The following EBF4 variants were observed in gnomAD, a reference collection of about 807,000 sequenced individuals.
EBF4 encodes the protein transcription factor COE4.
In EBF4, 34 loss-of-function variants were observed where a neutral mutation model predicts 67.1. The ratio of observed to expected loss-of-function variants is 0.51; its 90% CI spans 0.39 to 0.67. The LOEUF is 0.67. Among genes scored for constraint, EBF4 ranks in the 30% least tolerant of loss-of-function variants. The pLI, the probability that EBF4 is intolerant of heterozygous loss-of-function variation, is 0.00. For synonymous variants in EBF4, 387 were observed against 377.7 expected (o/e 1.02, Z -0.29); for missense variants, 837 against 873.3 (o/e 0.96, Z 0.52).
At chr20:2,710,728 C>T (rs2087531425) in intron 6 of EBF4, among the ~76,000 whole-genome samples, 1 of 152,200 alleles carries the variant, frequency 6.6e-6, no homozygotes, top group Non-Finnish European at 1.5e-5. Flanking sequence ...CCCATCCATT[C>T]CCCACCAAAT....
chr20:2,727,583 G>A (rs2087762262), intron 6 of EBF4, among the ~76,000 whole-genome samples: 1 of 152,210 alleles, frequency 6.6e-6, no homozygotes, highest in Non-Finnish European at 1.5e-5. Context: ...AGGGTCAGCT[G>A]TATACCTAGA....
chr20:2,748,868 T>C (rs1460890044), intron 7 of EBF4, among the ~76,000 whole-genome samples: 1 of 152,208 alleles, frequency 6.6e-6, no homozygotes, highest in African/African-American at 2.4e-5. Flanking sequence ...AAGATGCTAA[T>C]TGTGACATTT....
At chr20:2,715,534 T>C (rs2087596911) in intron 6 of EBF4, among the ~76,000 whole-genome samples, 1 of 152,198 alleles carries the variant, frequency 6.6e-6, no homozygotes, top group African/African-American at 2.4e-5. Context: ...CTTAACAAGT[T>C]GATGTCAACT....
intron 6 of EBF4, among the ~76,000 whole-genome samples, chr20:2,741,783 T>A (rs2087972356): frequency 6.6e-6 from 1 of 152,220 alleles, no homozygotes; most frequent in South Asian, 2.1e-4. Flanking sequence ...CAGCTCTTCT[T>A]CTGGTCTTTC....
At chr20:2,746,964 A>G (rs1226920295) in intron 6 of EBF4, among the ~76,000 whole-genome samples, 1 of 152,210 alleles carries the variant, frequency 6.6e-6, no homozygotes, top group Non-Finnish European at 1.5e-5. Context: ...GCTATAAGGC[A>G]TAAGGCAGAC....
chr20:2,714,509 G>A (rs2087583820), intron 6 of EBF4, among the ~76,000 whole-genome samples: 1 of 152,088 alleles, frequency 6.6e-6, no homozygotes, highest in Non-Finnish European at 1.5e-5. Context: ...ACGCCAACAA[G>A]CCCAGCTAAC....
At chr20:2,694,691 C>T (rs2087263122) in intron 1 of EBF4, among the ~76,000 whole-genome samples, 1 of 152,142 alleles carries the variant, frequency 6.6e-6, no homozygotes, top group Non-Finnish European at 1.5e-5. Context: ...TGAGCTGTTG[C>T]AGCAGCCCGA....
intron 1 of EBF4, among the ~76,000 whole-genome samples, chr20:2,695,470 G>A (rs941098518): frequency 6.8e-6 from 1 of 146,774 alleles, no homozygotes; most frequent in African/African-American, 2.6e-5. Flanking sequence ...CACATTGTGA[G>A]GGCCACATTG....
chr20:2,703,410 C>T (rs558999993), intron 1 of EBF4, among the ~76,000 whole-genome samples: 123 of 151,752 alleles, frequency 8.1e-4, no homozygotes, highest in African/African-American at 2.9e-3. Context: ...CACTCCAGCC[C>T]GGATGACAGA....
Position 2,739,640 on chromosome 20 carries a change from C to G in EBF4, c.558-8909C>G, listed in dbSNP as rs960185495. On this transcript the variant is annotated intron_variant, in intron 6 of 16. Coordinates refer to ENST00000609451, the Ensembl canonical transcript of EBF4. The surrounding 1 kb of genome is among the most constrained non-coding windows in gnomAD (Gnocchi z 4.5). The stretch of plus-strand genomic sequence containing the variant: ...GAATGAGGGGATGAATGGCCCAGCC[C>G]TCTGTGTCCTCCTCTGTCCCTGAGC... 6.6e-6 allele frequency among the ~76,000 whole-genome samples: 1 copy of G among 152,178 alleles called. No homozygotes were observed. The highest frequency in any genetic ancestry group is 2.4e-5 in the African/African-American group (1 of 41,438).
intron 1 of EBF4, among the ~76,000 whole-genome samples, chr20:2,700,861 CTG>C (rs1206680210): frequency 6.6e-6 from 1 of 152,240 alleles, no homozygotes; most frequent in East Asian, 1.9e-4. Flanking sequence ...ACACCTGCCT[CTG>C]TTGCTCTCGA....
intron 1 of EBF4, among the ~76,000 whole-genome samples, chr20:2,700,165 C>T (rs79841449): frequency 0.013 from 2,003 of 152,270 alleles, 48 homozygotes; most frequent in African/African-American, 0.045. Context: ...CAGAGTTCCC[C>T]GTGGGATGGA....
chr20:2,705,588 T>C, exon 2 of EBF4: 2 of 1,552,022 alleles, frequency 1.3e-6, no homozygotes, highest in Non-Finnish European at 1.7e-6. Flanking sequence ...GGCGTGGGTC[T>C]GGCACGAGCA....
chr20:2,723,338 ATTTAT>A (rs371743761), intron 6 of EBF4, among the ~76,000 whole-genome samples: 3 of 147,394 alleles, frequency 2.0e-5, no homozygotes, highest in South Asian at 2.2e-4. Flanking sequence ...TTTGTCTTTT[ATTTAT>A]TTTTATTTTT....
In EBF4 at chr20:2,756,462, G is replaced by C. The variant is rs1264262973; in HGVS notation, c.1738+638G>C. Among the ~76,000 whole-genome samples, 1 of 152,254 alleles carries C rather than the reference G, an allele frequency of 6.6e-6. No homozygotes were observed. The highest frequency in any genetic ancestry group is 2.4e-5 in the African/African-American group (1 of 41,476). On this transcript the variant is annotated intron_variant, in intron 15 of 16. Coordinates refer to ENST00000609451, the Ensembl canonical transcript of EBF4. This position sits in a 1 kb window ranked among gnomAD's most constrained non-coding sequence, Gnocchi z 4.5. The stretch of plus-strand genomic sequence containing the variant: ...GGGAGGACAGAGGAAGGGACTGGCT[G>C]TGGAAAAGGAGGAGGCAACAGGATG...
In EBF4 at chr20:2,696,748, T is replaced by TA. The variant is rs1323669922; in HGVS notation, c.137+2967dup. ...TCTCACCAGCCTCAGGACTCCCTCT[T>TA]ACACCCACCGACCCCAGCAACTGCT... On this transcript the variant is annotated intron_variant, in intron 1 of 16. Coordinates refer to ENST00000609451, the Ensembl canonical transcript of EBF4. The surrounding 1 kb of genome is among the most constrained non-coding windows in gnomAD (Gnocchi z 4.7). 6.6e-6 allele frequency among the ~76,000 whole-genome samples: 1 copy of TA among 152,114 alleles called. No homozygotes were observed. Among genetic ancestry groups the TA allele is most frequent in the African/African-American group, 2.4e-5 (1 of 41,410 alleles).
chr20:2,707,878 G>A lies in EBF4; in HGVS notation c.415-69G>A, dbSNP rs543800598. The stretch of plus-strand genomic sequence containing the variant: ...CCTAGGCTTGGGAGATGCCAGGTCC[G>A]TCTGTGCTGCCACCTGCACCTCAGA... On this transcript the variant is annotated intron_variant, in intron 4 of 16. Transcript: ENST00000609451. The surrounding 1 kb of genome is among the most constrained non-coding windows in gnomAD (Gnocchi z 4.6). 5.7e-5 allele frequency: 82 copies of A among 1,436,416 alleles called. No homozygotes were observed. Among genetic ancestry groups the A allele is most frequent in the Non-Finnish European group, 6.6e-5 (70 of 1,060,588 alleles). The allele number at this position is 1,436,416 out of a possible 1,614,324, so 89.0% of individuals were successfully genotyped here. A position where few individuals can be genotyped will look rare whatever the true frequency, so the allele number is the denominator to read the frequency against.
At chr20:2,740,914 C>A (rs2087957535) in intron 6 of EBF4, among the ~76,000 whole-genome samples, 1 of 151,926 alleles carries the variant, frequency 6.6e-6, no homozygotes, top group Non-Finnish European at 1.5e-5. Context: ...CTCAGATTAC[C>A]TTGGGGCAGC....
chr20:2,711,365 A>G lies in EBF4; in HGVS notation c.557+1723A>G, dbSNP rs566784636. The stretch of plus-strand genomic sequence containing the variant: ...TATTTAAATAGTCAGATATTGCTGG[A>G]CATTTTGGTTGTTTTCATCCCTTTT... On this transcript the variant is annotated intron_variant, in intron 6 of 16. Coordinates refer to ENST00000609451, the Ensembl canonical transcript of EBF4. Among the ~76,000 whole-genome samples, 3 of 152,258 alleles carry G rather than the reference A, an allele frequency of 2.0e-5. No homozygotes were observed. The East Asian group carries it at 5.8e-4, about 29-fold the overall frequency.
Sources: allele counts gnomAD v4.1 joint callset (sites outside exome capture counted in the v4.1 genomes callset), GRCh38; gene constraint gnomAD v4.1.1; non-coding constraint Gnocchi (gnomAD v3.1); transcripts MANE v1.5; gene names NCBI Gene and HGNC (gene_info 2026-07-23, HGNC 2026-07-21).